Variants in CADPS2 observed in about 807,000 individuals in gnomAD.
CADPS2 encodes the protein calcium-dependent secretion activator 2.
Under a neutral mutation model 172.5 loss-of-function variants are expected in CADPS2, and 93 were observed. That is an observed-to-expected ratio of 0.54 (90% CI 0.46 to 0.64). The LOEUF (loss-of-function observed/expected upper bound fraction) is 0.64. CADPS2 is among the 30% of genes least tolerant of loss of function. CADPS2 has a pLI of 0.00. For missense variants in CADPS2, 1,420 were observed against 1,565.9 expected (o/e 0.91, Z 1.57); for synonymous variants, 546 against 555.2 (o/e 0.98, Z 0.23).
At chr7:122,488,523 A>G (rs2058037616) in intron 11 of CADPS2, among the ~76,000 whole-genome samples, 1 of 152,248 alleles carries the variant, frequency 6.6e-6, no homozygotes, top group South Asian at 2.1e-4. Flanking sequence ...GACACAGACT[A>G]CATGGACTTC....
At chr7:122,803,974 G>GAAA (rs869246600) in intron 1 of CADPS2, among the ~76,000 whole-genome samples, 1,374 of 84,922 alleles carry the variant, frequency 0.016, 22 homozygotes, top group African/African-American at 0.044. Context: ...GGCTTGAATG[G>GAAA]AAAAAAAAAA....
intron 12 of CADPS2, chr7:122,480,090 C>G (rs1346577384): frequency 1.1e-5 from 5 of 471,248 alleles, no homozygotes; most frequent in African/African-American, 2.0e-5. Context: ...TCTGGCAACT[C>G]TAGCACGTTA....
intron 9 of CADPS2, among the ~76,000 whole-genome samples, chr7:122,504,292 G>A (rs965642727): frequency 1.3e-5 from 2 of 152,170 alleles, no homozygotes; most frequent in African/African-American, 2.4e-5. Context: ...TGGTCTCCCC[G>A]TGAATCTAAT....
chr7:122,667,293 A>G (rs1301528772), intron 2 of CADPS2, among the ~76,000 whole-genome samples: 2 of 152,176 alleles, frequency 1.3e-5, no homozygotes, highest in African/African-American at 4.8e-5. Flanking sequence ...AAACCCTTTA[A>G]TTGCTTAATT....
chr7:122,802,138 CAAAT>C (rs921243444), intron 1 of CADPS2, among the ~76,000 whole-genome samples: 263 of 152,136 alleles, frequency 1.7e-3, no homozygotes, highest in African/African-American at 6.1e-3. Flanking sequence ...TAAAAAAACT[CAAAT>C]AAGTAAAGAG....
intron 19 of CADPS2, among the ~76,000 whole-genome samples, chr7:122,413,555 C>T (rs562289740): frequency 9.9e-5 from 15 of 152,134 alleles, no homozygotes; most frequent in Admixed American, 4.6e-4. Context: ...AGCTGACATG[C>T]GAGCCACTTG....
chr7:122,670,655 G>A (rs1321108770), intron 2 of CADPS2, among the ~76,000 whole-genome samples: 6 of 151,782 alleles, frequency 4.0e-5, no homozygotes, highest in African/African-American at 1.5e-4. Context: ...AAGCCACCAC[G>A]CCTGGCTAAT....
intron 3 of CADPS2, among the ~76,000 whole-genome samples, chr7:122,634,435 C>A (rs1410251849): frequency 6.6e-6 from 1 of 152,132 alleles, no homozygotes; most frequent in Non-Finnish European, 1.5e-5. Flanking sequence ...TCCATTTCCT[C>A]CAGATTTTCT....
At chr7:122,447,431 C>T (rs996357357) in intron 15 of CADPS2, among the ~76,000 whole-genome samples, 33 of 151,788 alleles carry the variant, frequency 2.2e-4, no homozygotes, top group African/African-American at 7.5e-4. Flanking sequence ...TTCTGACATG[C>T]TCCAGTCAGA....
chr7:122,711,888 T>A (rs958603971), intron 2 of CADPS2, among the ~76,000 whole-genome samples: 2 of 152,058 alleles, frequency 1.3e-5, no homozygotes, highest in Non-Finnish European at 2.9e-5. Context: ...CCTGACCTTG[T>A]GATCCACCTG....
At chr7:122,785,554 A>G (rs974641850) in intron 1 of CADPS2, among the ~76,000 whole-genome samples, 1 of 152,154 alleles carries the variant, frequency 6.6e-6, no homozygotes, top group African/African-American at 2.4e-5. Flanking sequence ...TGAGATGTGT[A>G]AAAACGAGAA....
chr7:122,323,922 T>C (rs1190770127), intron 29 of CADPS2, among the ~76,000 whole-genome samples: 3 of 123,166 alleles, frequency 2.4e-5, no homozygotes, highest in African/African-American at 9.7e-5. Context: ...TATATATATA[T>C]GGCAAATACA....
intron 2 of CADPS2, among the ~76,000 whole-genome samples, chr7:122,726,114 C>T (rs1402161042): frequency 1.3e-5 from 2 of 151,674 alleles, no homozygotes; most frequent in Non-Finnish European, 2.9e-5. Context: ...CAAAAGAATG[C>T]TTTTCCCAAT....
At chr7:122,472,681 T>C (rs756539480) in intron 13 of CADPS2, among the ~76,000 whole-genome samples, 20 of 152,186 alleles carry the variant, frequency 1.3e-4, no homozygotes, top group Non-Finnish European at 2.5e-4. Flanking sequence ...GAGAGGACAC[T>C]ATCCCTTATT....
chr7:122,570,825 T>G (rs1292504550), intron 7 of CADPS2, among the ~76,000 whole-genome samples: 2 of 152,092 alleles, frequency 1.3e-5, no homozygotes, highest in South Asian at 4.2e-4. Context: ...TAGATGGGAA[T>G]TGAACAATGA....
intron 6 of CADPS2, among the ~76,000 whole-genome samples, chr7:122,609,272 A>ACCACC (rs756409911): frequency 2.6e-5 from 4 of 151,998 alleles, no homozygotes; most frequent in Non-Finnish European, 4.4e-5. Context: ...TTCTCCCTTC[A>ACCACC]CCACCCCACA....
chr7:122,341,553 C>T (rs924776923), intron 28 of CADPS2, among the ~76,000 whole-genome samples: 1 of 152,180 alleles, frequency 6.6e-6, no homozygotes, highest in Non-Finnish European at 1.5e-5. Flanking sequence ...CAAGTTTCTG[C>T]ATTCTCAGAC....
chr7:122,789,067 G>C (rs1418852055), intron 1 of CADPS2, among the ~76,000 whole-genome samples: 3 of 152,312 alleles, frequency 2.0e-5, no homozygotes, highest in Non-Finnish European at 4.4e-5. Context: ...TGTCCTCAGT[G>C]ATGGGTGGCA....
intron 1 of CADPS2, among the ~76,000 whole-genome samples, chr7:122,815,237 T>C (rs1801025242): frequency 6.6e-6 from 1 of 152,186 alleles, no homozygotes. Context: ...AGTTAAACTG[T>C]TAAGTCAGTC....
Sources: allele counts gnomAD v4.1 joint callset (sites outside exome capture counted in the v4.1 genomes callset), GRCh38; gene constraint gnomAD v4.1.1; transcripts MANE v1.5; gene names NCBI Gene and HGNC (gene_info 2026-07-23, HGNC 2026-07-21).